DENND11: variants seen among roughly 807,000 people sequenced by gnomAD.
The protein encoded by DENND11 is DENN domain containing 11.
A neutral mutation model predicts 49.2 loss-of-function variants in DENND11; 34 were observed. That is an observed-to-expected ratio of 0.69 (90% CI 0.53 to 0.92). DENND11 has a LOEUF of 0.92. Ranked by LOEUF, DENND11 falls within the 40% of genes least tolerant of loss-of-function variation. The pLI is 0.00. For missense variants in DENND11, 475 were observed against 581.6 expected, an observed-to-expected ratio of 0.82 and a Z score of 1.88; for synonymous variants, 238 against 230.3, an observed-to-expected ratio of 1.03 and a Z score of -0.30.
At chr7:141,668,012 C>T (rs1033096960) in intron 4 of DENND11, among the ~76,000 whole-genome samples, 1 of 152,224 alleles carries the variant, frequency 6.6e-6, no homozygotes, top group Non-Finnish European at 1.5e-5. Context: ...CTAACAGCAA[C>T]CAGATAGGAA....
At position 141,674,623 on chromosome 7, in the gene DENND11, C is replaced by T. The variant is rs144132809; in HGVS notation, c.528-403G>A. ...AAGCCTAAAATTCCCTGCTTAAAGC[C>T]GCTCTTTGTTTAGAGAACTCACGCT... On this transcript the variant is annotated intron_variant, in intron 3 of 8. Transcript: ENST00000536163. Among the ~76,000 whole-genome samples, 14 of 152,292 alleles carry T rather than the reference C, an allele frequency of 9.2e-5. No homozygotes were observed. In the East Asian group the frequency reaches 1.9e-3, roughly 21 times the overall value.
At position 141,672,098 on chromosome 7, in the gene DENND11, G is replaced by A. The variant is rs145034131; in HGVS notation, c.681+1969C>T. Among the ~76,000 whole-genome samples the A allele has an allele frequency of 2.0e-3, 302 of 152,332 alleles. 1 individual carries two copies. The highest frequency in any genetic ancestry group is 6.8e-3 in the African/African-American group (282 of 41,580). On this transcript the variant is annotated intron_variant, in intron 4 of 8. Coordinates refer to ENST00000536163, the MANE Select transcript of DENND11 (RefSeq NM_001080392.2). Reference sequence around the variant, plus strand: ...GCACACGTGGAGCCACACCTCCTGAGAGGTCCCAGCACAGATGCGCAGTGC... The same window carrying A: ...GCACACGTGGAGCCACACCTCCTGAAAGGTCCCAGCACAGATGCGCAGTGC...
At chr7:141,680,505 C>T (rs1798132782) in intron 3 of DENND11, among the ~76,000 whole-genome samples, 1 of 151,930 alleles carries the variant, frequency 6.6e-6, no homozygotes, top group South Asian at 2.1e-4. Context: ...AGTAACAGAA[C>T]CTTCCAAATT....
At chr7:141,682,650 C>T (rs1798165016) in intron 3 of DENND11, among the ~76,000 whole-genome samples, 1 of 152,062 alleles carries the variant, frequency 6.6e-6, no homozygotes, top group Admixed American at 6.6e-5. Context: ...AATGTGGGTC[C>T]CTGAACAATT....
intron 3 of DENND11, among the ~76,000 whole-genome samples, chr7:141,682,053 T>C (rs546871614): frequency 6.6e-6 from 1 of 152,328 alleles, no homozygotes; most frequent in East Asian, 1.9e-4. Context: ...GAAGCTTGTA[T>C]TGTGGTTCCT....
rs1176170208 is a variant in DENND11, at chr7:141,664,249, A to C, written c.1104-9T>G. 5 of 1,576,310 alleles carry C rather than the reference A, an allele frequency of 3.2e-6. No individual in the cohort carries two copies. The highest frequency in any genetic ancestry group is 4.3e-6 in the Non-Finnish European group (5 of 1,158,792). On this transcript the variant is annotated splice_polypyrimidine_tract_variant and intron_variant, in intron 7 of 8. Coordinates refer to ENST00000536163, the MANE Select transcript of DENND11 (RefSeq NM_001080392.2). ...AGTACAACAGCATCTGCCTGTTGGG[A>C]AGATCACCGTGAGACTCTGGTGCAG...
intron 3 of DENND11, among the ~76,000 whole-genome samples, chr7:141,681,394 C>T (rs980785936): frequency 6.6e-6 from 1 of 152,232 alleles, no homozygotes; most frequent in African/African-American, 2.4e-5. Context: ...GCCAATGCTA[C>T]TGTACACCAA....
At chr7:141,693,740 T>C (rs751010702) in intron 1 of DENND11, among the ~76,000 whole-genome samples, 1 of 152,200 alleles carries the variant, frequency 6.6e-6, no homozygotes, top group Non-Finnish European at 1.5e-5. Flanking sequence ...GAAGCCAGCC[T>C]GAAAAGGCTA....
Position 141,659,227 on chromosome 7 carries a change from A to G in DENND11, c.*3429T>C, listed in dbSNP as rs1797750464. 6.6e-6 allele frequency: 1 copy of G among 152,246 alleles called. No homozygotes were observed. The highest frequency in any genetic ancestry group is 1.5e-5 in the Non-Finnish European group (1 of 68,042). 9.4% of individuals were successfully genotyped at this position (152,246 alleles called of 1,614,324 possible). A position where few individuals can be genotyped will look rare whatever the true frequency, so the allele number is the denominator to read the frequency against. ...TGCTATAATGGATGATGGATATGGA[A>G]GGCAAAAGCCTTCTAATTCATTGCA... On this transcript the variant is annotated 3_prime_UTR_variant, in exon 9 of 9. Coordinates refer to ENST00000536163, the MANE Select transcript of DENND11 (RefSeq NM_001080392.2).
chr7:141,678,180 C>A (rs1798095536), intron 3 of DENND11, among the ~76,000 whole-genome samples: 1 of 152,158 alleles, frequency 6.6e-6, no homozygotes, highest in Admixed American at 6.5e-5. Flanking sequence ...TCAGGCTGGT[C>A]TCGAACTCCT....
At position 141,662,625 on chromosome 7, in the gene DENND11, G is replaced by A. The variant is rs750629265; in HGVS notation, c.*31C>T. 1.3e-5 allele frequency: 19 copies of A among 1,498,214 alleles called. No homozygotes were observed. The South Asian group carries it at 1.4e-4, about 11-fold the overall frequency. 92.8% of individuals were successfully genotyped at this position (1,498,214 alleles called of 1,614,324 possible). A position where few individuals can be genotyped will look rare whatever the true frequency, so the allele number is the denominator to read the frequency against. On this transcript the variant is annotated 3_prime_UTR_variant, in exon 9 of 9. Transcript: ENST00000536163. ...GAACTCCGGGCTGCTGACATCCCACGTGAAGTGGCTCCCAGTCCTGTTGGC... is the reference window on the plus strand; with the variant it reads ...GAACTCCGGGCTGCTGACATCCCACATGAAGTGGCTCCCAGTCCTGTTGGC...
At chr7:141,673,055 A>G (rs1218821276) in intron 4 of DENND11, among the ~76,000 whole-genome samples, 1 of 152,178 alleles carries the variant, frequency 6.6e-6, no homozygotes, top group Non-Finnish European at 1.5e-5. Context: ...CTCATGTCTC[A>G]TGAACTTGTC....
At chr7:141,698,118 G>A (rs1327562264) in intron 1 of DENND11, among the ~76,000 whole-genome samples, 1 of 152,138 alleles carries the variant, frequency 6.6e-6, no homozygotes, top group Non-Finnish European at 1.5e-5. Flanking sequence ...AGTCTAATGA[G>A]GCAGATGCAA....
rs558895611 is a variant in DENND11, at chr7:141,661,007, A to T, written c.*1649T>A. On this transcript the variant is annotated 3_prime_UTR_variant, in exon 9 of 9. Transcript: ENST00000536163. ...AATCAATGTCTATTTGCATTTCCAC[A>T]TGTGAATTTCTTCAGTTTTGATATT... 4 of 152,280 alleles carry T rather than the reference A, an allele frequency of 2.6e-5. No homozygotes were observed. In the East Asian group the frequency reaches 7.7e-4, roughly 29 times the overall value. 9.4% of individuals were successfully genotyped at this position (152,280 alleles called of 1,614,324 possible).
rs372979469 is a variant in DENND11 at position 141,685,561 on chromosome 7, G to A, written c.444C>T (p.Gly148=). 6.1e-5 allele frequency: 99 copies of A among 1,613,822 alleles called. No homozygotes were observed. The highest frequency in any genetic ancestry group is 6.7e-5 in the East Asian group (3 of 44,884). The change falls in exon 3 of 9, where the codon GGC becomes GGT. Residue 148 remains glycine (G), a synonymous_variant. Coordinates refer to ENST00000536163, the MANE Select transcript of DENND11 (RefSeq NM_001080392.2). Reference sequence around the variant, plus strand: ...GGATGCCCACAGACTTCATCCGCGCGCCACGTTCCAGCTCGCTCTCCACGG... The same window carrying A: ...GGATGCCCACAGACTTCATCCGCGCACCACGTTCCAGCTCGCTCTCCACGG... The part of the protein sequence containing the change: ...NMPVESELER[G]ARMKSVGILS...
At chr7:141,664,812 G>T in intron 7 of DENND11, 92 bp downstream of exon 7, 1 of 1,353,230 alleles carries the variant, frequency 7.4e-7, no homozygotes, top group Non-Finnish European at 1.0e-6. Flanking sequence ...ATGTGTCAGG[G>T]AAGGGGCAGA....
At chr7:141,665,078 G>A (rs2117051894) in intron 6 of DENND11, 24 bp from the exon 7 acceptor site, 3 of 1,612,328 alleles carry the variant, frequency 1.9e-6, no homozygotes, top group African/African-American at 1.3e-5. Flanking sequence ...GGTTAGAGAG[G>A]TGGGAACCCA....
intron 5 of DENND11, 75 bp downstream of exon 5, chr7:141,666,212 G>A (rs1587202262): frequency 8.9e-6 from 13 of 1,467,918 alleles, no homozygotes; most frequent in Non-Finnish European, 1.2e-5. Flanking sequence ...TCCAAACTTG[G>A]TCAGTGACAG....
rs149211969 is a variant in DENND11, at chr7:141,690,662, C to A, written c.269-4004G>T. Among the ~76,000 whole-genome samples, 238 of 152,318 alleles carry A rather than the reference C, an allele frequency of 1.6e-3. 1 individual carries two copies. The highest frequency in any genetic ancestry group is 3.3e-3 in the Admixed American group (51 of 15,304). ...AGAATTGCTTTAAAAATGTTTGCGT[C>A]ACTGCAAACTAAGACACTTTCAATG... On this transcript the variant is annotated intron_variant, in intron 1 of 8. Coordinates refer to ENST00000536163, the MANE Select transcript of DENND11 (RefSeq NM_001080392.2).
Sources: allele counts gnomAD v4.1 joint callset (sites outside exome capture counted in the v4.1 genomes callset), GRCh38; gene constraint gnomAD v4.1.1; transcripts MANE v1.5; gene names NCBI Gene and HGNC (gene_info 2026-07-23, HGNC 2026-07-21).